Variants in MXD1 observed in about 807,000 individuals in gnomAD.
MXD1 encodes the protein MAX dimerization protein 1, also known as MAX-binding protein.
Under a neutral mutation model 25.7 loss-of-function variants are expected in MXD1, and 9 were observed. The observed-to-expected ratio is 0.35, with a 90% CI of 0.21 to 0.61. The LOEUF (loss-of-function observed/expected upper bound fraction) is 0.61. MXD1 is among the 20% of genes least tolerant of loss of function. The pLI, the probability that MXD1 is intolerant of heterozygous loss-of-function variation, is 0.75. For synonymous variants in MXD1, 99 were observed against 113.9 expected (o/e 0.87, Z 0.83); for missense variants, 227 against 292.4 (o/e 0.78, Z 1.63).
At chr2:69,924,681 A>G (rs1677136511) in intron 3 of MXD1, among the ~76,000 whole-genome samples, 1 of 152,142 alleles carries the variant, frequency 6.6e-6, no homozygotes, top group Non-Finnish European at 1.5e-5. Flanking sequence ...GCATAAAAAG[A>G]TTATCATGGC....
chr2:69,926,358 T>C (rs1236239244), intron 3 of MXD1, among the ~76,000 whole-genome samples: 1 of 152,072 alleles, frequency 6.6e-6, no homozygotes, highest in Admixed American at 6.5e-5. Flanking sequence ...TTCCATGCCC[T>C]TATCTATTTT....
chr2:69,933,647 G>A (rs1273769127), intron 3 of MXD1, among the ~76,000 whole-genome samples: 2 of 152,218 alleles, frequency 1.3e-5, no homozygotes, highest in Non-Finnish European at 2.9e-5. Flanking sequence ...GGCTCAGAAG[G>A]AAGGAAGTCT....
chr2:69,923,905 T>G (rs562287272), intron 3 of MXD1, among the ~76,000 whole-genome samples: 15 of 152,260 alleles, frequency 9.9e-5, no homozygotes, highest in Non-Finnish European at 2.2e-4. Flanking sequence ...TTCGCCCCTC[T>G]AATACTTTAG....
chr2:69,928,907 T>C (rs2104186141), intron 3 of MXD1, among the ~76,000 whole-genome samples: 1 of 152,284 alleles, frequency 6.6e-6, no homozygotes, highest in Middle Eastern at 3.4e-3. Context: ...TCTCTCTCTT[T>C]TTTTGAGATG....
chr2:69,924,065 G>C (rs555827498), intron 3 of MXD1, among the ~76,000 whole-genome samples: 221 of 152,264 alleles, frequency 1.5e-3, no homozygotes, highest in African/African-American at 5.1e-3. Context: ...TTCTGTCTAT[G>C]GTGGCCCCAG....
At chr2:69,931,434 T>C (rs1179115474) in intron 3 of MXD1, among the ~76,000 whole-genome samples, 1 of 152,090 alleles carries the variant, frequency 6.6e-6, no homozygotes, top group Non-Finnish European at 1.5e-5. Context: ...GCAACGTTTG[T>C]CTTTCTGTGC....
rs769727390 is a variant in MXD1 at position 69,921,719 on chromosome 2, A to G, written c.174-17A>G. On this transcript the variant is annotated splice_polypyrimidine_tract_variant and intron_variant, in intron 2 of 5. Transcript: ENST00000264444. ...GACAAAAATATCTTATTCTTCTCTT[A>G]TTGTTCCCTCTTTCAGATCAACTCA... 5.0e-6 allele frequency: 8 copies of G among 1,606,546 alleles called. No individual in the cohort carries two copies. The highest frequency in any genetic ancestry group is 5.1e-6 in the Non-Finnish European group (6 of 1,176,088).
chr2:69,921,798 G>C lies in MXD1; in HGVS notation c.203+33G>C, dbSNP rs550109700. On this transcript the variant is annotated intron_variant, in intron 3 of 5. Transcript: ENST00000264444. ...GGGGATTTGGGAGGTGGAATGCGGG[G>C]AGCTTTGTTGCATTCTCTGTTCATG... 7.2e-5 allele frequency: 116 copies of C among 1,607,982 alleles called. No individual in the cohort carries two copies. In the South Asian group the frequency reaches 1.2e-3, roughly 17 times the overall value.
Position 69,938,639 on chromosome 2 carries a change from G to A in MXD1, c.*355G>A, listed in dbSNP as rs1421714707. 4 of 189,430 alleles carry A rather than the reference G, an allele frequency of 2.1e-5. No homozygotes were observed. Among genetic ancestry groups the A allele is most frequent in the Non-Finnish European group, 4.4e-5 (4 of 90,494 alleles). The allele number at this position is 189,430 out of a possible 1,614,324, so 11.7% of individuals were successfully genotyped here. On this transcript the variant is annotated 3_prime_UTR_variant, in exon 6 of 6. Coordinates refer to ENST00000264444, the MANE Select transcript of MXD1 (RefSeq NM_002357.4). ...CTTTCTTCCAGTTTTCTGGCTTACT[G>A]TGTTACTTGCCTAGGAGGAATGTCC... is the stretch of plus-strand genomic sequence containing the variant.
chr2:69,938,190 G>A lies in MXD1; in HGVS notation c.572G>A (p.Ser191Asn). The A allele has an allele frequency of 1.2e-6, 2 of 1,614,236 alleles. No individual in the cohort carries two copies. Among genetic ancestry groups the A allele is most frequent in the Non-Finnish European group, 1.7e-6 (2 of 1,180,034 alleles). ...GTGAGCGACTCTGACGAGCGGGGCA[G>A]CATGCAGAGCCTCGGCAGTGATGAG... ...SSVSDSDERG[S>N]MQSLGSDEGY... The change falls in exon 6 of 6, where the codon AGC becomes AAC. Residue 191 changes from serine (S) to asparagine (N), a missense_variant. Coordinates refer to ENST00000264444, the MANE Select transcript of MXD1 (RefSeq NM_002357.4).
Position 69,938,108 on chromosome 2 carries a change from G to A in MXD1, c.490G>A (p.Val164Ile), listed in dbSNP as rs772363417. The A allele has an allele frequency of 2.3e-5, 37 of 1,613,884 alleles. No individual in the cohort carries two copies. The highest frequency in any genetic ancestry group is 1.6e-4 in the Middle Eastern group (1 of 6,076). ...TGTCCTCCCTGCAGAAGAAATCGAC[G>A]TTGACGTGGAGAGCACGGACTATCT... ...RSDSDREEID[V>I]DVESTDYLTG... is the part of the protein sequence containing the mutation. Residue 164 changes from valine (V) to isoleucine (I), a missense_variant, in exon 6 of 6, where the codon GTT becomes ATT. Coordinates refer to ENST00000264444, the MANE Select transcript of MXD1 (RefSeq NM_002357.4).
intron 2 of MXD1, among the ~76,000 whole-genome samples, chr2:69,919,841 C>T (rs183914288): frequency 4.2e-4 from 64 of 152,090 alleles, no homozygotes; most frequent in African/African-American, 1.5e-3. Context: ...CAGTGTAAAG[C>T]TTTTATTTCT....
chr2:69,918,636 G>A (rs1234115353), intron 2 of MXD1, among the ~76,000 whole-genome samples: 1 of 152,180 alleles, frequency 6.6e-6, no homozygotes, highest in Non-Finnish European at 1.5e-5. Context: ...TAAGACAGTG[G>A]CTAGAGTGAC....
rs1225109825 is a variant in MXD1, at chr2:69,939,460, T to C, written c.*1176T>C. On this transcript the variant is annotated 3_prime_UTR_variant, in exon 6 of 6. Transcript: ENST00000264444. ...GGTCTCCGACTTTGTAGCATTTTTA[T>C]TTAAGCTAAAACAGAGCACATGTAT... The C allele has an allele frequency of 6.6e-6, 1 of 152,668 alleles. No homozygotes were observed. Among genetic ancestry groups the C allele is most frequent in the Admixed American group, 6.5e-5 (1 of 15,274 alleles). 9.5% of individuals were successfully genotyped at this position (152,668 alleles called of 1,614,324 possible).
At position 69,938,196 on chromosome 2, in the gene MXD1, A is replaced by G; in HGVS notation, c.578A>G (p.Gln193Arg). Residue 193 changes from glutamine (Q) to arginine (R), a missense_variant, in exon 6 of 6, where the codon CAG (glutamine) becomes CGG (arginine). By Grantham distance (43) the Gln-to-Arg change is conservative. Transcript: ENST00000264444. ...VSDSDERGSM[Q>R]SLGSDEGYSS... Reference sequence around the variant, plus strand: ...GACTCTGACGAGCGGGGCAGCATGCAGAGCCTCGGCAGTGATGAGGGCTAT... The same window carrying G: ...GACTCTGACGAGCGGGGCAGCATGCGGAGCCTCGGCAGTGATGAGGGCTAT... 1 of 1,614,258 alleles carries G rather than the reference A, an allele frequency of 6.2e-7. No homozygotes were observed. Among genetic ancestry groups the G allele is most frequent in the African/African-American group, 1.3e-5 (1 of 75,080 alleles).
intron 3 of MXD1, among the ~76,000 whole-genome samples, chr2:69,926,852 A>G (rs1158838056): frequency 6.6e-6 from 1 of 152,262 alleles, no homozygotes; most frequent in East Asian, 1.9e-4. Context: ...TACAGCCAAT[A>G]GGTCAGGAGC....
chr2:69,917,675 A>G (rs1676985681), intron 2 of MXD1, among the ~76,000 whole-genome samples: 1 of 152,156 alleles, frequency 6.6e-6, no homozygotes, highest in East Asian at 1.9e-4. Flanking sequence ...GGAAGGTTGT[A>G]GGGGATGTTC....
At position 69,941,237 on chromosome 2, in the gene MXD1, C is replaced by T. The variant is rs904458060; in HGVS notation, c.*2953C>T. 6.6e-6 allele frequency: 1 copy of T among 152,194 alleles called. No individual in the cohort carries two copies. The highest frequency in any genetic ancestry group is 2.4e-5 in the African/African-American group (1 of 41,454). 9.4% of individuals were successfully genotyped at this position (152,194 alleles called of 1,614,324 possible). The stretch of plus-strand genomic sequence containing the variant: ...GTACGCAGTCTAATTTAATTTCATG[C>T]AGTGGGAAAATATATATGTGTGCTT... On this transcript the variant is annotated 3_prime_UTR_variant, in exon 6 of 6. Transcript: ENST00000264444.
At position 69,939,883 on chromosome 2, in the gene MXD1, C is replaced by T. The variant is rs1677554831; in HGVS notation, c.*1599C>T. 2 of 152,540 alleles carry T rather than the reference C, an allele frequency of 1.3e-5. No homozygotes were observed. Among genetic ancestry groups the T allele is most frequent in the Admixed American group, 1.3e-4 (2 of 15,288 alleles). 9.4% of individuals were successfully genotyped at this position (152,540 alleles called of 1,614,324 possible). A position where few individuals can be genotyped will look rare whatever the true frequency, so the allele number is the denominator to read the frequency against. ...CCACAGCCTGAAGCTCCCCCAGCGC[C>T]TGCACCTCGCACACAGCTAAGGTCA... is the stretch of plus-strand genomic sequence containing the variant. On this transcript the variant is annotated 3_prime_UTR_variant, in exon 6 of 6. Transcript: ENST00000264444.
Sources: allele counts gnomAD v4.1 joint callset (sites outside exome capture counted in the v4.1 genomes callset), GRCh38; gene constraint gnomAD v4.1.1; transcripts MANE v1.5; gene names NCBI Gene and HGNC (gene_info 2026-07-23, HGNC 2026-07-21).